Variants in NEO1 observed in about 807,000 individuals in gnomAD.
NEO1 encodes the protein neogenin 1.
NEO1 carries 63 observed loss-of-function variants against 159.7 expected under a neutral mutation model. The ratio of observed to expected loss-of-function variants is 0.39; its 90% CI spans 0.32 to 0.49. The LOEUF is 0.49. Ranked by LOEUF, NEO1 falls within the 20% of genes least tolerant of loss-of-function variation. The pLI is 0.85. For synonymous variants in NEO1, 633 were observed against 662.0 expected (o/e 0.96, Z 0.67); for missense variants, 1,615 against 1,831.0 (o/e 0.88, Z 2.15).
chr15:73,110,441 A>G (rs2070916814), intron 1 of NEO1, among the ~76,000 whole-genome samples: 1 of 152,206 alleles, frequency 6.6e-6, no homozygotes, highest in Admixed American at 6.5e-5. Context: ...GTATTCAGAT[A>G]CCATATGTTA....
intron 1 of NEO1, among the ~76,000 whole-genome samples, chr15:73,112,449 A>C (rs2071054179): frequency 6.6e-6 from 1 of 152,144 alleles, no homozygotes; most frequent in Non-Finnish European, 1.5e-5. Context: ...TAATGCAATA[A>C]AGTAAAACAT....
chr15:73,180,295 G>A (rs1017669767), intron 7 of NEO1, among the ~76,000 whole-genome samples: 1 of 152,094 alleles, frequency 6.6e-6, no homozygotes, highest in African/African-American at 2.4e-5. Flanking sequence ...GGATTTTTGT[G>A]TGCTATTTTT....
chr15:73,155,823 T>A (rs1027007918), intron 5 of NEO1, among the ~76,000 whole-genome samples: 7 of 152,240 alleles, frequency 4.6e-5, no homozygotes, highest in African/African-American at 1.7e-4. Context: ...GATATCTATC[T>A]CGATAAATTT....
chr15:73,283,780 G>A (rs2041829322), intron 23 of NEO1, among the ~76,000 whole-genome samples: 1 of 152,178 alleles, frequency 6.6e-6, no homozygotes, highest in African/African-American at 2.4e-5. Context: ...ATGCCCAGGA[G>A]TCTGTGGACA....
chr15:73,112,637 G>A (rs1223390217), intron 1 of NEO1, among the ~76,000 whole-genome samples: 1 of 152,048 alleles, frequency 6.6e-6, no homozygotes. Flanking sequence ...CGTAGTATAA[G>A]ATCACAGATA....
At chr15:73,089,230 C>A (rs1382312958) in intron 1 of NEO1, among the ~76,000 whole-genome samples, 1 of 152,062 alleles carries the variant, frequency 6.6e-6, no homozygotes, top group Non-Finnish European at 1.5e-5. Context: ...TGGGAAATTT[C>A]ACTTCTTTTT....
intron 5 of NEO1, among the ~76,000 whole-genome samples, chr15:73,170,084 G>A (rs1035557862): frequency 6.6e-6 from 1 of 152,090 alleles, no homozygotes; most frequent in Admixed American, 6.5e-5. Context: ...TATCCAGTTG[G>A]TAATACAGCC....
In NEO1 at chr15:73,120,499, C is replaced by T. The variant is rs552743885; in HGVS notation, c.449-2026C>T. Among the ~76,000 whole-genome samples the T allele has an allele frequency of 1.5e-3, 232 of 151,850 alleles. 1 individual carries two copies. The highest frequency in any genetic ancestry group is 5.3e-3 in the African/African-American group (222 of 41,496). On this transcript the variant is annotated intron_variant, in intron 2 of 28. Transcript: ENST00000261908. ...AAAACTAGAAAACCTGTAATCATTT[C>T]TCATGATTTGTTTGCTCTTCCTTAA...
intron 19 of NEO1, among the ~76,000 whole-genome samples, chr15:73,273,459 T>G (rs1047177350): frequency 7.2e-5 from 11 of 152,340 alleles, no homozygotes; most frequent in African/African-American, 2.4e-4. Flanking sequence ...CTTTGTCTTT[T>G]AAAACCGGCA....
At chr15:73,268,725 C>A (rs2041030780) in intron 16 of NEO1, among the ~76,000 whole-genome samples, 1 of 152,156 alleles carries the variant, frequency 6.6e-6, no homozygotes, top group Admixed American at 6.5e-5. Context: ...AAAACCTAAG[C>A]ATGAATTGGG....
At chr15:73,236,593 C>G in intron 8 of NEO1, 87 bp downstream of exon 8, 2 of 1,189,398 alleles carry the variant, frequency 1.7e-6, no homozygotes, top group Non-Finnish European at 2.5e-6. Flanking sequence ...GTATCTGTAC[C>G]AATTTTTAGT....
intron 7 of NEO1, among the ~76,000 whole-genome samples, chr15:73,212,135 T>C (rs2037616278): frequency 6.6e-6 from 1 of 152,210 alleles, no homozygotes; most frequent in South Asian, 2.1e-4. Context: ...CTTCTTGCAG[T>C]CATCTCTGAG....
intron 15 of NEO1, among the ~76,000 whole-genome samples, chr15:73,265,051 T>A (rs1030907837): frequency 3.9e-5 from 6 of 152,112 alleles, no homozygotes; most frequent in Admixed American, 2.0e-4. Flanking sequence ...AAGAGTGGGA[T>A]GTGACCCCAG....
At chr15:73,111,771 TCACCACTC>T (rs1037250325) in intron 1 of NEO1, among the ~76,000 whole-genome samples, 1 of 151,946 alleles carries the variant, frequency 6.6e-6, no homozygotes, top group Non-Finnish European at 1.5e-5. Context: ...CTGGTACAGG[TCACCACTC>T]CTGGCTAATT....
intron 5 of NEO1, among the ~76,000 whole-genome samples, chr15:73,145,240 C>G (rs1403832677): frequency 6.6e-6 from 1 of 152,178 alleles, no homozygotes; most frequent in Non-Finnish European, 1.5e-5. Context: ...ATAAGAAATA[C>G]AGATTAAAGT....
intron 1 of NEO1, among the ~76,000 whole-genome samples, chr15:73,085,929 A>G (rs2069332037): frequency 6.6e-6 from 1 of 152,160 alleles, no homozygotes; most frequent in African/African-American, 2.4e-5. Flanking sequence ...TTTCACAGCA[A>G]AAGTTTGAAA....
intron 7 of NEO1, among the ~76,000 whole-genome samples, chr15:73,202,079 T>A (rs1034047369): frequency 8.1e-5 from 12 of 148,450 alleles, no homozygotes; most frequent in Non-Finnish European, 1.6e-4. Flanking sequence ...TTCTCCTGCC[T>A]CAGCCTCCCG....
intron 20 of NEO1, 94 bp downstream of exon 20, chr15:73,274,099 T>A: frequency 8.5e-7 from 1 of 1,176,384 alleles, no homozygotes; most frequent in Non-Finnish European, 1.2e-6. Flanking sequence ...GTGGATAGTA[T>A]ATGAAGTCTT....
At position 73,267,179 on chromosome 15, in the gene NEO1, A is replaced by G. The variant is rs2040945260; in HGVS notation, c.2494+768A>G. 3.9e-5 allele frequency among the ~76,000 whole-genome samples: 6 copies of G among 152,144 alleles called. No homozygotes were observed. In the South Asian group the frequency reaches 1.2e-3, roughly 31 times the overall value. On this transcript the variant is annotated intron_variant, in intron 16 of 28. Coordinates refer to ENST00000261908, the MANE Select transcript of NEO1 (RefSeq NM_002499.4). ...AGGCTGAGGAAGGAGAATGGCATGA[A>G]CTCAGGAAGCAGAGCTTGCAATGAG... is the stretch of plus-strand genomic sequence containing the variant.
Sources: gnomAD v4.1 joint callset for allele counts (sites outside exome capture counted in the v4.1 genomes callset) on GRCh38, gnomAD v4.1.1 for gene constraint, MANE v1.5 for transcripts, NCBI Gene and HGNC (gene_info 2026-07-23, HGNC 2026-07-21) for gene names.